The following ZCCHC7 variants were observed in gnomAD, a reference collection of about 807,000 sequenced individuals.
ZCCHC7 encodes zinc finger CCHC domain-containing protein 7.
Under a neutral mutation model 52.0 loss-of-function variants are expected in ZCCHC7, and 35 were observed. The observed-to-expected ratio is 0.67, with a 90% confidence interval of 0.51 to 0.89. ZCCHC7 has a LOEUF of 0.89. ZCCHC7 is among the 40% of genes least tolerant of loss of function. ZCCHC7 has a pLI of 0.00. For missense variants in ZCCHC7, 574 were observed against 649.1 expected (o/e 0.88, Z 1.26); for synonymous variants, 217 against 221.5 (o/e 0.98, Z 0.18).
intron 5 of ZCCHC7, among the ~76,000 whole-genome samples, chr9:37,308,604 T>A (rs1829444580): frequency 6.6e-6 from 1 of 152,160 alleles, no homozygotes; most frequent in South Asian, 2.1e-4. Flanking sequence ...TCCCAATGAA[T>A]GTAGGTTTTT....
chr9:37,273,947 G>GTGA (rs1280302549), intron 2 of ZCCHC7, among the ~76,000 whole-genome samples: 2 of 151,844 alleles, frequency 1.3e-5, no homozygotes, highest in Non-Finnish European at 2.9e-5. Flanking sequence ...AGTTTTCTTA[G>GTGA]TGATGTCTTC....
chr9:37,321,606 A>G (rs1185029923), intron 5 of ZCCHC7, among the ~76,000 whole-genome samples: 1 of 152,028 alleles, frequency 6.6e-6, no homozygotes, highest in African/African-American at 2.4e-5. Context: ...TCTACAAAAA[A>G]ATGAAAAATT....
At chr9:37,326,476 C>T (rs1830244381) in intron 5 of ZCCHC7, among the ~76,000 whole-genome samples, 1 of 150,598 alleles carries the variant, frequency 6.6e-6, no homozygotes, top group South Asian at 2.1e-4. Context: ...CTATAGAAAG[C>T]TGTGTAGACT....
rs73452635 is a variant in ZCCHC7 at position 37,349,252 on chromosome 9, T to A, written c.988-105T>A. The A allele has an allele frequency of 1.1e-3, 1,226 of 1,142,008 alleles. 19 individuals carry two copies. The African/African-American group carries it at 0.016, about 15-fold the overall frequency. 70.7% of individuals were successfully genotyped at this position (1,142,008 alleles called of 1,614,324 possible). On this transcript the variant is annotated intron_variant, in intron 6 of 8. Coordinates refer to ENST00000336755, the MANE Select transcript of ZCCHC7 (RefSeq NM_032226.3). ...GAATACAGGTCTCCATACAAAACTCTAAGAAACTTCTAAGGAATCCCTTAC... is the reference window on the plus strand; with the variant it reads ...GAATACAGGTCTCCATACAAAACTCAAAGAAACTTCTAAGGAATCCCTTAC...
intron 5 of ZCCHC7, among the ~76,000 whole-genome samples, chr9:37,321,542 T>C (rs1306474320): frequency 6.6e-6 from 1 of 152,080 alleles, no homozygotes; most frequent in Non-Finnish European, 1.5e-5. Flanking sequence ...GGTGAAAAGA[T>C]CGCCTGGGGC....
intron 6 of ZCCHC7, among the ~76,000 whole-genome samples, chr9:37,344,533 G>A (rs911862671): frequency 2.6e-5 from 4 of 151,978 alleles, no homozygotes; most frequent in South Asian, 2.1e-4. Flanking sequence ...CATAGGACTC[G>A]GTACTACTCG....
intron 3 of ZCCHC7, among the ~76,000 whole-genome samples, chr9:37,303,297 C>T (rs1332472660): frequency 1.3e-5 from 2 of 151,762 alleles, no homozygotes; most frequent in South Asian, 2.1e-4. Context: ...TGGTGGCGGG[C>T]GCCTGTAGTC....
chr9:37,351,269 C>A (rs1022210660), intron 7 of ZCCHC7, among the ~76,000 whole-genome samples: 2 of 151,984 alleles, frequency 1.3e-5, no homozygotes, highest in African/African-American at 2.4e-5. Context: ...CTCTTTGGTC[C>A]CATTTCTTTA....
chr9:37,158,959 A>G (rs995384988), intron 2 of ZCCHC7, among the ~76,000 whole-genome samples: 4 of 152,348 alleles, frequency 2.6e-5, no homozygotes, highest in East Asian at 3.9e-4. Flanking sequence ...ACAGCAGCCA[A>G]TTCCAGGAAT....
intron 2 of ZCCHC7, among the ~76,000 whole-genome samples, chr9:37,231,661 T>A (rs1326247088): frequency 1.3e-5 from 2 of 152,204 alleles, no homozygotes; most frequent in Non-Finnish European, 2.9e-5. Context: ...TTTCTCCATT[T>A]TTTTTCACCC....
chr9:37,317,573 G>A (rs1346286297), intron 5 of ZCCHC7, among the ~76,000 whole-genome samples: 1 of 151,946 alleles, frequency 6.6e-6, no homozygotes, highest in Non-Finnish European at 1.5e-5. Context: ...TATAAATAGA[G>A]CAAATTTTAT....
chr9:37,254,390 C>T (rs765269524), intron 2 of ZCCHC7, among the ~76,000 whole-genome samples: 8 of 151,850 alleles, frequency 5.3e-5, no homozygotes, highest in Non-Finnish European at 7.4e-5. Context: ...TTTTTAAATG[C>T]TGTTAACCCT....
intron 2 of ZCCHC7, among the ~76,000 whole-genome samples, chr9:37,258,769 A>G (rs1189118581): frequency 6.2e-5 from 9 of 145,076 alleles, no homozygotes. Context: ...AAAAAAAAAA[A>G]AAAAAAAAAA....
intron 2 of ZCCHC7, among the ~76,000 whole-genome samples, chr9:37,130,524 G>C (rs111363361): frequency 0.038 from 5,371 of 142,576 alleles, 355 homozygotes; most frequent in African/African-American, 0.13. Flanking sequence ...ACAGAGTCTC[G>C]CTCTGTCGCC....
In ZCCHC7 at chr9:37,216,700, A is replaced by AAAT. The variant is rs1824525223; in HGVS notation, c.611-85487_611-85486insATA. 5.9e-5 allele frequency among the ~76,000 whole-genome samples: 9 copies of AAAT among 152,216 alleles called. 1 individual carries two copies. Among genetic ancestry groups the AAAT allele is most frequent in the African/African-American group, 1.9e-4 (8 of 41,534 alleles). The stretch of plus-strand genomic sequence containing the variant: ...AAAAATAAATAAATAAATAAATAAA[A>AAAT]AGTGTATCTTATAGGGAGAGCATTA... On this transcript the variant is annotated intron_variant, in intron 2 of 8. Transcript: ENST00000336755.
At chr9:37,351,123 T>G (rs939705005) in intron 7 of ZCCHC7, among the ~76,000 whole-genome samples, 4 of 151,958 alleles carry the variant, frequency 2.6e-5, no homozygotes, top group Non-Finnish European at 5.9e-5. Context: ...CAGATAAAGT[T>G]TATCTTCCAT....
chr9:37,349,710 T>G (rs906185407), intron 7 of ZCCHC7, among the ~76,000 whole-genome samples: 1 of 152,138 alleles, frequency 6.6e-6, no homozygotes, highest in Non-Finnish European at 1.5e-5. Context: ...CAAACAAATA[T>G]AATAGTCAAC....
At position 37,339,104 on chromosome 9, in the gene ZCCHC7, A is replaced by G. The variant is rs368992693; in HGVS notation, c.988-10253A>G. Reference sequence around the variant, plus strand: ...ACATGGTACTTTTAATGCCATTTTTAACATATGAGGAAAATTAGTAGCAAT... The same window carrying G: ...ACATGGTACTTTTAATGCCATTTTTGACATATGAGGAAAATTAGTAGCAAT... On this transcript the variant is annotated intron_variant, in intron 6 of 8. Transcript: ENST00000336755. 9.2e-5 allele frequency among the ~76,000 whole-genome samples: 14 copies of G among 152,324 alleles called. No homozygotes were observed. The East Asian group carries it at 1.5e-3, about 17-fold the overall frequency.
intron 6 of ZCCHC7, among the ~76,000 whole-genome samples, chr9:37,343,288 G>A (rs1241115290): frequency 6.6e-6 from 1 of 152,218 alleles, no homozygotes; most frequent in Non-Finnish European, 1.5e-5. Context: ...CAAGACATAT[G>A]ATTTGTTCTT....
Sources: allele counts gnomAD v4.1 joint callset (sites outside exome capture counted in the v4.1 genomes callset), GRCh38; gene constraint gnomAD v4.1.1; transcripts MANE v1.5; gene names NCBI Gene and HGNC (gene_info 2026-07-23, HGNC 2026-07-21).